DMD: variants seen among roughly 807,000 people sequenced by gnomAD.
DMD encodes the protein mutant dystrophin.
A neutral mutation model predicts 330.1 loss-of-function variants in DMD; 63 were observed. The ratio of observed to expected loss-of-function variants is 0.19; its 90% CI spans 0.16 to 0.24. The LOEUF (loss-of-function observed/expected upper bound fraction) is 0.24, where lower values mean the gene tolerates loss of function less well. Ranked by LOEUF, DMD falls within the 10% of genes least tolerant of loss-of-function variation. The pLI is 1.00. For synonymous variants in DMD, 1,223 were observed against 959.8 expected (o/e 1.27, Z -5.07); for missense variants, 3,344 against 2,684.1 (o/e 1.25, Z -5.43).
At chrX:31,922,881 T>C (rs757155353) in intron 47 of DMD, among the ~76,000 whole-genome samples, 2 of 111,463 alleles carry the variant, frequency 1.8e-5, no homozygotes, top group Non-Finnish European at 3.8e-5. Context: ...ATTTCTTGGA[T>C]AGGCCGAAAT....
At chrX:32,531,803 G>C (rs1257622746) in intron 17 of DMD, among the ~76,000 whole-genome samples, 1 of 110,684 alleles carries the variant, frequency 9.0e-6, no homozygotes, top group Non-Finnish European at 1.9e-5. Flanking sequence ...ACTGTTCATT[G>C]CTACACAGTA....
chrX:32,870,981 A>AAAAAAAAAAAAAAAAAAAAAAAAAAAAAG (rs1569537090), intron 2 of DMD, among the ~76,000 whole-genome samples: 2 of 82,578 alleles, frequency 2.4e-5, no homozygotes, highest in East Asian at 3.9e-4. Flanking sequence ...AAAAAAAAAA[A>AAAAAAAAAAAAAAAAAAAAAAAAAAAAAG]AAAAAAACCA....
chrX:31,835,124 T>C (rs2093167241), intron 49 of DMD, among the ~76,000 whole-genome samples: 1 of 112,046 alleles, frequency 8.9e-6, no homozygotes, highest in African/African-American at 3.2e-5. Context: ...GATTGTTTTA[T>C]ACATAATGAA....
intron 55 of DMD, among the ~76,000 whole-genome samples, chrX:31,522,167 C>T (rs1463139066): frequency 9.3e-6 from 1 of 107,830 alleles, no homozygotes; most frequent in African/African-American, 3.4e-5. Context: ...AGCAGCTGGC[C>T]AGGGGAGAAG....
At chrX:31,841,120 T>C (rs1394004655) in intron 48 of DMD, among the ~76,000 whole-genome samples, 2 of 111,893 alleles carry the variant, frequency 1.8e-5, no homozygotes, top group East Asian at 5.6e-4. Flanking sequence ...AGTGCCAGTC[T>C]AGTGAACATG....
At chrX:32,974,668 CAACA>C (rs2092485539) in intron 2 of DMD, among the ~76,000 whole-genome samples, 1 of 111,198 alleles carries the variant, frequency 9.0e-6, no homozygotes, top group Admixed American at 9.6e-5. Context: ...TAAGGCTTAA[CAACA>C]AACAAACAGT....
At chrX:32,930,956 TTA>T (rs1444531040) in intron 2 of DMD, among the ~76,000 whole-genome samples, 1 of 108,258 alleles carries the variant, frequency 9.2e-6, no homozygotes, top group African/African-American at 3.3e-5. Context: ...TATTTTTCTA[TTA>T]TATGATTCAT....
chrX:31,445,412 C>T (rs2065203852), intron 59 of DMD, among the ~76,000 whole-genome samples: 1 of 111,674 alleles, frequency 9.0e-6, no homozygotes. Flanking sequence ...ATATTCTTAA[C>T]TATTATGTTA....
At chrX:32,845,150 A>G (rs1483777157) in intron 3 of DMD, among the ~76,000 whole-genome samples, 2 of 112,083 alleles carry the variant, frequency 1.8e-5, no homozygotes, top group African/African-American at 6.5e-5. Context: ...CATGACCACC[A>G]ATGACAGAAA....
chrX:32,563,688 T>C (rs1392790816), intron 16 of DMD, among the ~76,000 whole-genome samples: 1 of 111,741 alleles, frequency 8.9e-6, no homozygotes, highest in East Asian at 2.8e-4. Flanking sequence ...ATTGGAATAA[T>C]CAAATCAGTA....
At chrX:31,762,066 G>C (rs1166415212) in intron 51 of DMD, among the ~76,000 whole-genome samples, 3 of 112,275 alleles carry the variant, frequency 2.7e-5, no homozygotes, top group Non-Finnish European at 5.6e-5. Context: ...AAGATCCTTA[G>C]AAGTTAGGAA....
chrX:31,388,370 T>C (rs1242215144), intron 60 of DMD, among the ~76,000 whole-genome samples: 1 of 110,659 alleles, frequency 9.0e-6, no homozygotes, highest in Non-Finnish European at 1.9e-5. Flanking sequence ...GTTTGCTGCT[T>C]TATTATCAAT....
intron 29 of DMD, among the ~76,000 whole-genome samples, chrX:32,432,688 T>C (rs2098243220): frequency 8.9e-6 from 1 of 112,563 alleles, no homozygotes; most frequent in Non-Finnish European, 1.9e-5. Context: ...TAATGGCTTT[T>C]ACTATTATTA....
At chrX:32,117,587 C>T (rs767979309) in intron 44 of DMD, among the ~76,000 whole-genome samples, 36 of 111,880 alleles carry the variant, frequency 3.2e-4, no homozygotes, top group African/African-American at 1.0e-3. Context: ...CCAACCTCTT[C>T]GAGCTGACAT....
intron 1 of DMD, among the ~76,000 whole-genome samples, chrX:33,290,141 T>C (rs1429051958): frequency 8.9e-6 from 1 of 111,790 alleles, no homozygotes; most frequent in Admixed American, 9.5e-5. Flanking sequence ...TTCCTCACCT[T>C]CATTTAATCA....
At chrX:31,789,497 G>A (rs1210948605) in intron 50 of DMD, among the ~76,000 whole-genome samples, 1 of 110,920 alleles carries the variant, frequency 9.0e-6, no homozygotes, top group African/African-American at 3.3e-5. Flanking sequence ...CACAAATTTT[G>A]CATTTTAAAA....
At chrX:31,637,336 G>A (rs1013248097) in intron 54 of DMD, among the ~76,000 whole-genome samples, 2 of 111,607 alleles carry the variant, frequency 1.8e-5, no homozygotes, top group Non-Finnish European at 3.8e-5. Context: ...GCATTTAAAA[G>A]ACCTAGATAC....
chrX:32,248,627 A>C (rs2097251681), intron 43 of DMD, among the ~76,000 whole-genome samples: 2 of 110,193 alleles, frequency 1.8e-5, no homozygotes. Flanking sequence ...AAAGTAATTA[A>C]CTCATTGCAA....
chrX:31,287,921 A>G (rs1569518171), intron 62 of DMD, among the ~76,000 whole-genome samples: 1 of 111,460 alleles, frequency 9.0e-6, no homozygotes, highest in Non-Finnish European at 1.9e-5. Flanking sequence ...TCCTTCAAAT[A>G]CTCCAGTCAA....
Sources: allele counts gnomAD v4.1 joint callset (sites outside exome capture counted in the v4.1 genomes callset), GRCh38; gene constraint gnomAD v4.1.1; transcripts MANE v1.5; gene names NCBI Gene and HGNC (gene_info 2026-07-23, HGNC 2026-07-21).